Variants in CARD19 observed in about 807,000 individuals in gnomAD.
The protein encoded by CARD19 is caspase recruitment domain family member 19, also known as caspase recruitment domain-containing protein 19.
In CARD19, 25 loss-of-function variants were observed where a neutral mutation model predicts 24.1. That is an observed-to-expected ratio of 1.04 (90% CI 0.76 to 1.45). CARD19 has a LOEUF of 1.45. Ranked by LOEUF, CARD19 falls within the 40% of genes most tolerant of loss-of-function variation. The pLI, the probability that CARD19 is intolerant of heterozygous loss-of-function variation, is 0.00. For synonymous variants in CARD19, 103 were observed against 104.9 expected (o/e 0.98, Z 0.11); for missense variants, 241 against 247.4 (o/e 0.97, Z 0.17).
chr9:93,099,012 C>T (rs1471729819), intron 1 of CARD19, among the ~76,000 whole-genome samples: 2 of 146,338 alleles, frequency 1.4e-5, no homozygotes, highest in Non-Finnish European at 3.0e-5. Context: ...AGGAATTCTT[C>T]TGCCTTAGCC....
Position 93,098,727 on chromosome 9 carries a change from G to A in CARD19, c.7+2375G>A, listed in dbSNP as rs187523688. Among the ~76,000 whole-genome samples the A allele has an allele frequency of 7.5e-3, 1,138 of 152,234 alleles. 10 individuals carry two copies. Among genetic ancestry groups the A allele is most frequent in the Middle Eastern group, 0.017 (5 of 294 alleles). On this transcript the variant is annotated intron_variant, in intron 1 of 5. Transcript: ENST00000375464. The stretch of plus-strand genomic sequence containing the variant: ...CCGCAGAGCCTGGCTTCAGCCTCCG[G>A]ACCGTGCGGCCTGTGCCAGCTGACT...
At chr9:93,106,695 C>T (rs1482568460) in intron 1 of CARD19, among the ~76,000 whole-genome samples, 1 of 151,564 alleles carries the variant, frequency 6.6e-6, no homozygotes, top group Non-Finnish European at 1.5e-5. Flanking sequence ...TTTTGACCCT[C>T]ATTTATTCTA....
intron 3 of CARD19, 114 bp downstream of exon 3, chr9:93,110,835 G>A (rs1171062461): frequency 2.0e-6 from 3 of 1,536,340 alleles, no homozygotes; most frequent in Non-Finnish European, 2.6e-6. Context: ...CTGCAGCCCA[G>A]GCCTGGCATC....
intron 1 of CARD19, among the ~76,000 whole-genome samples, chr9:93,105,179 CACGCGCGTGTGTGTGTGCGTGTGT>C (rs1006997021): frequency 2.6e-5 from 3 of 113,392 alleles, no homozygotes; most frequent in African/African-American, 7.2e-5. Flanking sequence ...TGTGTGTGTG[CACGCGCGTGTGTGTGTGCGTGTGT>C]GTGTGTGTGT....
At chr9:93,112,075 A>AC (rs3216060) in intron 4 of CARD19, 137 bp downstream of exon 4, 61 of 1,217,854 alleles carry the variant, frequency 5.0e-5, no homozygotes, top group South Asian at 3.0e-4. Context: ...TTGGTGACAG[A>AC]CCCCCCCCCT....
intron 3 of CARD19, chr9:93,111,637 C>A: frequency 7.3e-7 from 1 of 1,375,668 alleles, no homozygotes; most frequent in Non-Finnish European, 9.4e-7. Context: ...AAGCCTTGGC[C>A]CCACTGGAGG....
At position 93,113,097 on chromosome 9, in the gene CARD19, G is replaced by C. The variant is rs765455441; in HGVS notation, c.542G>C (p.Gly181Ala). Residue 181 changes from glycine (G) to alanine (A), a missense_variant, in exon 6 of 6, where the codon GGG becomes GCG. Gly to Ala is a moderately conservative substitution (Grantham distance 60). Coordinates refer to ENST00000375464, the MANE Select transcript of CARD19 (RefSeq NM_032310.5). ...CTGGCCTTCCTGGCAGATGACCTAG[G>C]GGGGCTCTGACAGACCCTGGACCCA... Reference protein sequence around the residue: ...YLLAFLADDLGGL With the variant: ...YLLAFLADDLAGL 15 of 1,573,674 alleles carry C rather than the reference G, an allele frequency of 9.5e-6. No homozygotes were observed. Among genetic ancestry groups the C allele is most frequent in the Admixed American group, 3.6e-5 (2 of 54,974 alleles).
chr9:93,112,395 C>G, intron 5 of CARD19, 106 bp downstream of exon 5: 15 of 896,854 alleles, frequency 1.7e-5, no homozygotes, highest in Non-Finnish European at 1.9e-5. Flanking sequence ...CTTCGTACCT[C>G]GGTGTCCACA....
At chr9:93,101,837 G>A (rs1827094633) in intron 1 of CARD19, among the ~76,000 whole-genome samples, 1 of 139,964 alleles carries the variant, frequency 7.1e-6, no homozygotes, top group African/African-American at 2.5e-5. Flanking sequence ...ATGCCAAAGA[G>A]TTTGAATTTC....
intron 5 of CARD19, 82 bp downstream of exon 5, chr9:93,112,371 G>A (rs979190593): frequency 2.8e-5 from 34 of 1,232,718 alleles, no homozygotes; most frequent in Non-Finnish European, 3.4e-5. Context: ...GCCCAATTTG[G>A]GACCCCTTGG....
At chr9:93,106,194 T>C (rs907913576) in intron 1 of CARD19, among the ~76,000 whole-genome samples, 1 of 152,106 alleles carries the variant, frequency 6.6e-6, no homozygotes, top group African/African-American at 2.4e-5. Context: ...TCAACTTCTT[T>C]GTGTCTTTAG....
chr9:93,098,003 ATGCACCAACTGGGGTCCTGCCT>A (rs1162906658), intron 1 of CARD19, among the ~76,000 whole-genome samples: 5 of 152,222 alleles, frequency 3.3e-5, no homozygotes, highest in African/African-American at 1.2e-4. Context: ...CACTGCCTCC[ATGCACCAACTGGGGTCCTGCCT>A]TGCGCCAGCC....
At chr9:93,103,756 TTGC>T (rs1564207675) in intron 1 of CARD19, among the ~76,000 whole-genome samples, 2 of 152,364 alleles carry the variant, frequency 1.3e-5, no homozygotes, top group East Asian at 3.9e-4. Context: ...GAGGGTCTTC[TTGC>T]TGTGTTATCC....
At chr9:93,111,395 A>T in intron 3 of CARD19, 1 of 1,092,804 alleles carries the variant, frequency 9.2e-7, no homozygotes, top group Non-Finnish European at 1.1e-6. Flanking sequence ...AGGAGGGGCT[A>T]CTGCCCCTTG....
At chr9:93,103,189 C>T (rs570807877) in intron 1 of CARD19, among the ~76,000 whole-genome samples, 1 of 152,294 alleles carries the variant, frequency 6.6e-6, no homozygotes, top group Admixed American at 6.5e-5. Context: ...TAAGAGCAGA[C>T]ATCTTTATCT....
rs796772341 is a variant in CARD19, at chr9:93,106,579, A to AAC, written c.8-1094_8-1093insCA. On this transcript the variant is annotated intron_variant, in intron 1 of 5. Transcript: ENST00000375464. ...CAAGACTCTATCTCAAAAAAAAACA[A>AAC]AAAAAAAAAAACAAAGTTTAACCTA... Among the ~76,000 whole-genome samples, 208 of 148,274 alleles carry AAC rather than the reference A, an allele frequency of 1.4e-3. 2 individuals are homozygous for AAC. The highest frequency in any genetic ancestry group is 4.1e-3 in the African/African-American group (163 of 39,688).
In CARD19 at chr9:93,112,234, G is replaced by C. The variant is rs766805873; in HGVS notation, c.381G>C (p.Leu127=). The C allele has an allele frequency of 5.8e-6, 9 of 1,545,048 alleles. No individual in the cohort carries two copies. The African/African-American group carries it at 1.2e-4, about 21-fold the overall frequency. The change falls in exon 5 of 6, where the codon CTG becomes CTC. Residue 127 remains leucine (L), a synonymous_variant. Coordinates refer to ENST00000375464, the MANE Select transcript of CARD19 (RefSeq NM_032310.5). ...ELSNRGPMSF[L]AGLGLAVGLA... is the part of the protein sequence containing the mutation. ...TCTCCCCAGGACCCATGAGCTTCCT[G>C]GCTGGCCTGGGCCTTGCTGTGGGAC...
At chr9:93,110,482 G>A in intron 2 of CARD19, 86 bp from the exon 3 acceptor site, 1 of 1,510,640 alleles carries the variant, frequency 6.6e-7, no homozygotes, top group Non-Finnish European at 8.8e-7. Context: ...GGAAGCTGAG[G>A]CTGGGGGCCT....
intron 1 of CARD19, among the ~76,000 whole-genome samples, chr9:93,103,761 G>T (rs1827161844): frequency 1.3e-5 from 2 of 152,212 alleles, no homozygotes. Flanking sequence ...TCTTCTTGCT[G>T]TGTTATCCCA....
Sources: gnomAD v4.1 joint callset for allele counts (sites outside exome capture counted in the v4.1 genomes callset) on GRCh38, gnomAD v4.1.1 for gene constraint, MANE v1.5 for transcripts, NCBI Gene and HGNC (gene_info 2026-07-23, HGNC 2026-07-21) for gene names.